Variants in EFCAB14 observed in about 807,000 individuals in gnomAD.
EFCAB14 encodes EF-hand calcium binding domain 14.
Under a neutral mutation model 56.5 loss-of-function variants are expected in EFCAB14, and 43 were observed. The ratio of observed to expected loss-of-function variants is 0.76; its 90% confidence interval spans 0.60 to 0.98. EFCAB14 has a LOEUF of 0.98. Among genes scored for constraint, EFCAB14 ranks in the 50% least tolerant of loss-of-function variants. The pLI is 0.00. For synonymous variants in EFCAB14, 235 were observed against 212.9 expected, an observed-to-expected ratio of 1.10 and a Z score of -0.90; for missense variants, 538 against 580.3, an observed-to-expected ratio of 0.93 and a Z score of 0.75.
intron 2 of EFCAB14, among the ~76,000 whole-genome samples, chr1:46,708,480 T>G (rs1677264237): frequency 6.6e-6 from 1 of 152,214 alleles, no homozygotes; most frequent in Non-Finnish European, 1.5e-5. Context: ...TGATAAATGC[T>G]AAGTACTGAC....
chr1:46,707,164 A>G (rs1239928924), intron 3 of EFCAB14, among the ~76,000 whole-genome samples: 1 of 152,234 alleles, frequency 6.6e-6, no homozygotes, highest in Non-Finnish European at 1.5e-5. Flanking sequence ...GAAAAATAAT[A>G]TCTATTTTTA....
chr1:46,709,950 C>T (rs1043784937), intron 2 of EFCAB14, among the ~76,000 whole-genome samples: 2 of 152,044 alleles, frequency 1.3e-5, no homozygotes, highest in African/African-American at 4.8e-5. Context: ...ATCTTGCCAC[C>T]GCACTCCAGC....
intron 3 of EFCAB14, among the ~76,000 whole-genome samples, chr1:46,703,267 G>A (rs551161029): frequency 2.0e-4 from 30 of 152,110 alleles, no homozygotes; most frequent in African/African-American, 3.1e-4. Context: ...TCGCCACCAC[G>A]CCTGGCTAAT....
At position 46,686,141 on chromosome 1, in the gene EFCAB14, G is replaced by C. The variant is rs549649140; in HGVS notation, c.1074+643C>G. Among the ~76,000 whole-genome samples, 144 of 152,222 alleles carry C rather than the reference G, an allele frequency of 9.5e-4. 1 individual carries two copies. Among genetic ancestry groups the C allele is most frequent in the African/African-American group, 3.3e-3 (137 of 41,548 alleles). ...AGCCCAGAGTTTAACACTCTAATCA[G>C]AGAATACTGTAATCACACTTTCTTT... On this transcript the variant is annotated intron_variant, in intron 8 of 10. Transcript: ENST00000371933.
chr1:46,687,258 T>G (rs1676898918), intron 7 of EFCAB14, among the ~76,000 whole-genome samples: 1 of 152,030 alleles, frequency 6.6e-6, no homozygotes, highest in Non-Finnish European at 1.5e-5. Flanking sequence ...AGTTTAGGAG[T>G]GGTAAGTTTT....
chr1:46,716,403 A>G lies in EFCAB14; in HGVS notation c.226T>C (p.Cys76Arg). ...CAGGCAGCAAGGATGACAAAACCAC[A>G]GAGCGGATAACAGATCTTGCAGCAT... ...LRCCKICYPL[C>R]GFVILAACVV... The change falls in exon 2 of 11, where the codon TGT (cysteine) becomes CGT (arginine). Residue 76 changes from cysteine to arginine, a missense_variant. Coordinates refer to ENST00000371933, the MANE Select transcript of EFCAB14 (RefSeq NM_014774.3). 1.9e-6 allele frequency: 3 copies of G among 1,614,186 alleles called. No homozygotes were observed. The highest frequency in any genetic ancestry group is 2.5e-6 in the Non-Finnish European group (3 of 1,180,030).
At chr1:46,687,668 T>TA (rs1037746328) in intron 7 of EFCAB14, among the ~76,000 whole-genome samples, 2 of 152,170 alleles carry the variant, frequency 1.3e-5, no homozygotes, top group African/African-American at 4.8e-5. Flanking sequence ...CTGCAGTTAT[T>TA]AAAAAAAGAA....
chr1:46,702,672 A>G (rs1677176308), intron 3 of EFCAB14, among the ~76,000 whole-genome samples: 1 of 151,978 alleles, frequency 6.6e-6, no homozygotes, highest in Non-Finnish European at 1.5e-5. Flanking sequence ...GTTATCGTCA[A>G]TACCATCATC....
chr1:46,719,045 T>TGGCGGCGGCTGCGGC lies in EFCAB14; in HGVS notation c.-973_-959dup, dbSNP rs1553124313. On this transcript the variant is annotated 5_prime_UTR_variant, in exon 1 of 11. Coordinates refer to ENST00000371933, the MANE Select transcript of EFCAB14 (RefSeq NM_014774.3). This position sits in a 1 kb window ranked among gnomAD's most constrained non-coding sequence, Gnocchi z 4.0. Reference sequence around the variant, plus strand: ...CCCGACACGTTGTTGTTGGCGTTGGTGGCGGCGGCTGCGGCGGCGGCGGCC... The same window carrying TGGCGGCGGCTGCGGC: ...CCCGACACGTTGTTGTTGGCGTTGGTGGCGGCGGCTGCGGCGGCGGCGGCTGCGGCGGCGGCGGCC... 6 of 159,006 alleles carry TGGCGGCGGCTGCGGC rather than the reference T, an allele frequency of 3.8e-5. 1 individual carries two copies. The highest frequency in any genetic ancestry group is 7.2e-5 in the African/African-American group (3 of 41,526). The allele number at this position is 159,006 out of a possible 1,614,324, so 9.8% of individuals were successfully genotyped here.
intron 3 of EFCAB14, among the ~76,000 whole-genome samples, chr1:46,704,476 C>CAAA (rs35092498): frequency 5.3e-4 from 39 of 73,738 alleles, no homozygotes; most frequent in African/African-American, 6.7e-4. Flanking sequence ...GATTGTGTCT[C>CAAA]AAAAAAAAAA....
intron 3 of EFCAB14, among the ~76,000 whole-genome samples, chr1:46,704,551 A>G (rs554594908): frequency 1.3e-5 from 2 of 152,036 alleles, no homozygotes; most frequent in East Asian, 1.9e-4. Flanking sequence ...ACACAACAAG[A>G]AAGTGCCATG....
chr1:46,701,176 G>A (rs55914029), intron 3 of EFCAB14, among the ~76,000 whole-genome samples: 36,914 of 152,090 alleles, frequency 0.24, 4,832 homozygotes, highest in East Asian at 0.35. Flanking sequence ...GGAAAAAGAC[G>A]CCACATAACT....
At chr1:46,716,956 T>C (rs1451470682) in intron 1 of EFCAB14, among the ~76,000 whole-genome samples, 1 of 152,210 alleles carries the variant, frequency 6.6e-6, no homozygotes, top group Non-Finnish European at 1.5e-5. Flanking sequence ...TTCTAGCTTA[T>C]TGGCTCAGAA....
chr1:46,703,300 A>G (rs1962900), intron 3 of EFCAB14, among the ~76,000 whole-genome samples: 56,280 of 151,816 alleles, frequency 0.37, 11,665 homozygotes, highest in East Asian at 0.74. Context: ...AGTAGAGACA[A>G]GGTTTCACCA....
At chr1:46,694,735 C>T (rs1223805962) in intron 4 of EFCAB14, among the ~76,000 whole-genome samples, 1 of 152,134 alleles carries the variant, frequency 6.6e-6, no homozygotes, top group Non-Finnish European at 1.5e-5. Flanking sequence ...TGGGTATATA[C>T]CCAAAGGATT....
At chr1:46,703,600 C>A (rs1237738637) in intron 3 of EFCAB14, among the ~76,000 whole-genome samples, 1 of 152,164 alleles carries the variant, frequency 6.6e-6, no homozygotes, top group Non-Finnish European at 1.5e-5. Context: ...CACAGTCTCC[C>A]TGCACTTTGG....
In EFCAB14 at chr1:46,687,151, T is replaced by C. The variant is rs758632989; in HGVS notation, c.988-281A>G. On this transcript the variant is annotated intron_variant, in intron 7 of 10. Coordinates refer to ENST00000371933, the MANE Select transcript of EFCAB14 (RefSeq NM_014774.3). ...ACTCAAAATACCATGCTGAGCACGA[T>C]ACTGCTCTAAGAAACAGTAGGACAG... is the stretch of plus-strand genomic sequence containing the variant. 1.1e-4 allele frequency among the ~76,000 whole-genome samples: 17 copies of C among 152,308 alleles called. No homozygotes were observed. The South Asian group carries it at 2.7e-3, about 24-fold the overall frequency.
intron 3 of EFCAB14, among the ~76,000 whole-genome samples, chr1:46,699,103 T>C (rs1442160138): frequency 2.6e-5 from 4 of 152,118 alleles, no homozygotes; most frequent in African/African-American, 7.2e-5. Flanking sequence ...GCTTTCAATA[T>C]AACTGAGAGA....
At position 46,686,865 on chromosome 1, in the gene EFCAB14, A is replaced by G; in HGVS notation, c.993T>C (p.Gly331=). Residue 331 remains glycine, a synonymous_variant, in exon 8 of 11, where the codon GGT becomes GGC. Coordinates refer to ENST00000371933, the MANE Select transcript of EFCAB14 (RefSeq NM_014774.3). ...GTCTTTTCAGAGTGGCAGATCTATC[A>G]CCCATCTTAAAGGGCAAAACAAAAA... The part of the protein sequence containing the change: ...KKANLSFSMM[G]DRSATLKRQS... The G allele has an allele frequency of 6.2e-7, 1 of 1,613,618 alleles. No individual in the cohort carries two copies.
Sources: allele counts gnomAD v4.1 joint callset (sites outside exome capture counted in the v4.1 genomes callset), GRCh38; gene constraint gnomAD v4.1.1; non-coding constraint Gnocchi (gnomAD v3.1); transcripts MANE v1.5; gene names NCBI Gene and HGNC (gene_info 2026-07-23, HGNC 2026-07-21).